LRRC49: variants seen among roughly 807,000 people sequenced by gnomAD.
The protein encoded by LRRC49 is leucine rich repeat containing 49.
In LRRC49, 50 loss-of-function variants were observed where a neutral mutation model predicts 83.3. That is an observed-to-expected ratio of 0.60 (90% CI 0.48 to 0.76). The LOEUF is 0.76. Ranked by LOEUF, LRRC49 falls within the 30% of genes least tolerant of loss-of-function variation. The probability of loss-of-function intolerance (pLI) is 0.00; values close to 1 mark genes in which losing one functional copy is unlikely to be tolerated. For synonymous variants in LRRC49, 286 were observed against 283.3 expected (o/e 1.01, Z -0.10); for missense variants, 704 against 809.1 (o/e 0.87, Z 1.58).
At chr15:70,865,411 A>C (rs1284897289) in intron 1 of LRRC49, among the ~76,000 whole-genome samples, 1 of 152,192 alleles carries the variant, frequency 6.6e-6, no homozygotes, top group Non-Finnish European at 1.5e-5. Flanking sequence ...TGCGTCTAAC[A>C]AAACTGTTGA....
intron 14 of LRRC49, among the ~76,000 whole-genome samples, chr15:71,033,118 G>A (rs1401839189): frequency 2.0e-5 from 3 of 152,144 alleles, no homozygotes. Context: ...AAACCCCATT[G>A]TCTCAGCCCA....
intron 8 of LRRC49, among the ~76,000 whole-genome samples, chr15:70,953,440 G>A (rs958664531): frequency 6.6e-6 from 1 of 152,132 alleles, no homozygotes; most frequent in Non-Finnish European, 1.5e-5. Flanking sequence ...TTTCTTCAAG[G>A]ATATTGAAAA....
intron 7 of LRRC49, among the ~76,000 whole-genome samples, chr15:70,932,578 C>T (rs1017346180): frequency 2.6e-5 from 4 of 151,996 alleles, no homozygotes; most frequent in Non-Finnish European, 5.9e-5. Context: ...TGTCAGAATC[C>T]TTGGTGCATG....
chr15:71,050,456 A>T lies in LRRC49; in HGVS notation c.*844A>T, dbSNP rs2039979219. 1 of 152,250 alleles carries T rather than the reference A, an allele frequency of 6.6e-6. No homozygotes were observed. The highest frequency in any genetic ancestry group is 2.1e-4 in the South Asian group (1 of 4,830). The allele number at this position is 152,250 out of a possible 1,614,324, so 9.4% of individuals were successfully genotyped here. Reference sequence around the variant, plus strand: ...GCATGAGTGAAGGGTTCTAATTTTTAAAATTTCATTTGAAGATCAAATTCA... The same window carrying T: ...GCATGAGTGAAGGGTTCTAATTTTTTAAATTTCATTTGAAGATCAAATTCA... On this transcript the variant is annotated 3_prime_UTR_variant, in exon 16 of 16. Coordinates refer to ENST00000260382, the MANE Select transcript of LRRC49 (RefSeq NM_017691.5).
chr15:71,034,612 A>G (rs1278591499), intron 14 of LRRC49, among the ~76,000 whole-genome samples: 1 of 152,258 alleles, frequency 6.6e-6, no homozygotes, highest in African/African-American at 2.4e-5. Flanking sequence ...ACAATAACAA[A>G]GACATGGAAT....
At chr15:70,924,135 G>A (rs1228780705) in intron 7 of LRRC49, among the ~76,000 whole-genome samples, 1 of 151,774 alleles carries the variant, frequency 6.6e-6, no homozygotes, top group Non-Finnish European at 1.5e-5. Flanking sequence ...ATTGACATTT[G>A]TGAAGAGTAT....
upstream of LRRC49, among the ~76,000 whole-genome samples, chr15:70,888,952 C>T (rs1469693717): frequency 2.6e-5 from 4 of 152,120 alleles, no homozygotes; most frequent in Admixed American, 6.5e-5. Flanking sequence ...AGAAATCCCA[C>T]GTATAGGCAA....
At chr15:70,914,700 T>A (rs1381768145) in intron 6 of LRRC49, among the ~76,000 whole-genome samples, 1 of 152,166 alleles carries the variant, frequency 6.6e-6, no homozygotes, top group Admixed American at 6.5e-5. Flanking sequence ...TTGTGTTGGT[T>A]AACCATAATT....
chr15:71,038,265 G>A (rs1259538948), intron 15 of LRRC49, among the ~76,000 whole-genome samples: 1 of 152,168 alleles, frequency 6.6e-6, no homozygotes, highest in African/African-American at 2.4e-5. Context: ...AAGTGTGTGT[G>A]TGGCAGGGCG....
At chr15:71,000,793 ATTCTTTATAG>A in intron 11 of LRRC49, among the ~76,000 whole-genome samples, 1 of 152,178 alleles carries the variant, frequency 6.6e-6, no homozygotes, top group Non-Finnish European at 1.5e-5. Flanking sequence ...CTTTTGGGCC[ATTCTTTATAG>A]TTTATTATTT....
intron 2 of LRRC49, among the ~76,000 whole-genome samples, chr15:70,883,921 G>T (rs940132673): frequency 6.6e-6 from 1 of 152,128 alleles, no homozygotes; most frequent in Admixed American, 6.5e-5. Flanking sequence ...CTCCCAAAGT[G>T]CTGGGATTAC....
At chr15:70,874,322 G>T (rs1318134959) in intron 2 of LRRC49, among the ~76,000 whole-genome samples, 4 of 152,194 alleles carry the variant, frequency 2.6e-5, no homozygotes, top group Admixed American at 2.6e-4. Flanking sequence ...TAAGAGCCAG[G>T]AGGTACAAAG....
Position 71,027,672 on chromosome 15 carries a change from G to A in LRRC49, c.1704-9507G>A, listed in dbSNP as rs532989351. Among the ~76,000 whole-genome samples, 339 of 152,228 alleles carry A rather than the reference G, an allele frequency of 2.2e-3. 1 individual carries two copies. Among genetic ancestry groups the A allele is most frequent in the Non-Finnish European group, 3.9e-3 (268 of 68,010 alleles). Reference sequence around the variant, plus strand: ...AGGTCCTTCACATCCCTTGTAAGTTGTATTCCTAGGTATTTTATTCTCTTT... The same window carrying A: ...AGGTCCTTCACATCCCTTGTAAGTTATATTCCTAGGTATTTTATTCTCTTT... On this transcript the variant is annotated intron_variant, in intron 14 of 15. Transcript: ENST00000260382.
intron 11 of LRRC49, among the ~76,000 whole-genome samples, chr15:70,998,617 T>G (rs896520709): frequency 3.9e-5 from 6 of 152,162 alleles, no homozygotes; most frequent in African/African-American, 1.4e-4. Context: ...TGTCTCTTTA[T>G]TTTTGTCTTT....
intron 14 of LRRC49, among the ~76,000 whole-genome samples, chr15:71,021,670 C>T (rs1016333790): frequency 6.6e-6 from 1 of 152,110 alleles, no homozygotes; most frequent in African/African-American, 2.4e-5. Flanking sequence ...ATTGGATAGG[C>T]GGCTCTGCTG....
chr15:71,012,773 T>C (rs367761797), intron 13 of LRRC49, 31 bp from the exon 14 acceptor site: 4 of 1,312,178 alleles, frequency 3.0e-6, no homozygotes, highest in Non-Finnish European at 4.4e-6. Context: ...TTGGTGTCAT[T>C]TTTTTACCCC....
intron 8 of LRRC49, among the ~76,000 whole-genome samples, chr15:70,944,475 G>A (rs186913660): frequency 5.3e-5 from 8 of 151,980 alleles, no homozygotes; most frequent in Non-Finnish European, 7.4e-5. Context: ...CGCGATCTCC[G>A]TTCACCGCAA....
At chr15:70,992,030 C>T (rs1596111783) in intron 11 of LRRC49, among the ~76,000 whole-genome samples, 1 of 152,202 alleles carries the variant, frequency 6.6e-6, no homozygotes, top group African/African-American at 2.4e-5. Flanking sequence ...ACCTTGTCAG[C>T]TCTTTCAGCT....
At chr15:70,977,594 G>A (rs2037251430) in intron 9 of LRRC49, among the ~76,000 whole-genome samples, 1 of 152,054 alleles carries the variant, frequency 6.6e-6, no homozygotes, top group African/African-American at 2.4e-5. Context: ...GCAGTGAGCT[G>A]ACATTGCACC....
Sources: allele counts gnomAD v4.1 joint callset (sites outside exome capture counted in the v4.1 genomes callset), GRCh38; gene constraint gnomAD v4.1.1; transcripts MANE v1.5; gene names NCBI Gene and HGNC (gene_info 2026-07-23, HGNC 2026-07-21).